Variants in MCC observed in about 807,000 individuals in gnomAD.
The protein encoded by MCC is MCC regulator of Wnt signaling pathway, also known as colorectal mutant cancer protein.
Under a neutral mutation model 116.2 loss-of-function variants are expected in MCC, and 90 were observed. That is an observed-to-expected ratio of 0.77 (90% CI 0.65 to 0.92). The LOEUF is 0.92. Ranked by LOEUF, MCC falls within the 40% of genes least tolerant of loss-of-function variation. MCC has a pLI of 0.00. For synonymous variants in MCC, 578 were observed against 510.5 expected, an observed-to-expected ratio of 1.13 and a Z score of -1.78; for missense variants, 1,516 against 1,312.2, an observed-to-expected ratio of 1.16 and a Z score of -2.40.
intron 13 of MCC, among the ~76,000 whole-genome samples, chr5:113,066,645 G>A (rs1258026124): frequency 1.3e-5 from 2 of 152,190 alleles, no homozygotes; most frequent in African/African-American, 2.4e-5. Flanking sequence ...GAAACTGAAG[G>A]AGGAAACACA....
At chr5:113,127,696 G>C (rs575848643) in intron 5 of MCC, among the ~76,000 whole-genome samples, 5 of 152,246 alleles carry the variant, frequency 3.3e-5, no homozygotes, top group East Asian at 1.9e-4. Flanking sequence ...TAATGGGGTT[G>C]TTTTTCTCTT....
rs904486522 is a variant in MCC, at chr5:113,334,094, CAG to C, written c.627+6423_627+6424del. 2.2e-4 allele frequency among the ~76,000 whole-genome samples: 32 copies of C among 147,256 alleles called. 1 individual carries two copies. The highest frequency in any genetic ancestry group is 8.1e-4 in the African/African-American group (32 of 39,414). On this transcript the variant is annotated intron_variant, in intron 3 of 18. Coordinates refer to ENST00000408903, the MANE Select transcript of MCC (RefSeq NM_001085377.2). ...TTTAAAAACCAAGTAGTATAGCTGACAGAATCTATCTAGACATTGCTATTTCA... is the reference window on the plus strand; with the variant it reads ...TTTAAAAACCAAGTAGTATAGCTGACAATCTATCTAGACATTGCTATTTCA...
At chr5:113,251,208 T>C (rs999279911) in intron 3 of MCC, among the ~76,000 whole-genome samples, 2 of 152,274 alleles carry the variant, frequency 1.3e-5, no homozygotes, top group Non-Finnish European at 2.9e-5. Flanking sequence ...ACTAACTGTA[T>C]TGTAAGAAAT....
At chr5:113,428,298 C>A (rs964180847) in intron 1 of MCC, among the ~76,000 whole-genome samples, 10 of 152,138 alleles carry the variant, frequency 6.6e-5, no homozygotes, top group Non-Finnish European at 1.5e-4. Flanking sequence ...CCCCTGCCCT[C>A]ACCCTTATTC....
At chr5:113,362,331 G>A (rs546843324) in intron 2 of MCC, among the ~76,000 whole-genome samples, 47 of 152,176 alleles carry the variant, frequency 3.1e-4, no homozygotes, top group African/African-American at 1.1e-3. Context: ...CTGGCTGTCT[G>A]TGTTACTTTA....
At chr5:113,332,315 AC>A (rs1407159279) in intron 3 of MCC, among the ~76,000 whole-genome samples, 6 of 151,568 alleles carry the variant, frequency 4.0e-5, no homozygotes, top group African/African-American at 7.3e-5. Flanking sequence ...AGCAGTTGGA[AC>A]TAGAGGTGTG....
At chr5:113,165,328 C>T (rs1389832609) in intron 3 of MCC, among the ~76,000 whole-genome samples, 1 of 152,238 alleles carries the variant, frequency 6.6e-6, no homozygotes, top group Non-Finnish European at 1.5e-5. Flanking sequence ...AACAGCTCAA[C>T]ATTATCTTAA....
chr5:113,286,138 A>T (rs1293775570), intron 3 of MCC, among the ~76,000 whole-genome samples: 1 of 152,224 alleles, frequency 6.6e-6, no homozygotes, highest in African/African-American at 2.4e-5. Context: ...GGTCTCCCCA[A>T]GGAGGCCAAC....
chr5:113,164,163 C>T (rs1238516684), intron 3 of MCC, among the ~76,000 whole-genome samples: 3 of 152,320 alleles, frequency 2.0e-5, no homozygotes, highest in South Asian at 2.1e-4. Context: ...GTCCTCTTAT[C>T]CAACAGTCCA....
chr5:113,082,617 A>C (rs1420505850), intron 11 of MCC, among the ~76,000 whole-genome samples: 1 of 152,236 alleles, frequency 6.6e-6, no homozygotes, highest in East Asian at 1.9e-4. Flanking sequence ...GCAGTGAAGC[A>C]AGTATGGCAC....
rs189242836 is a variant in MCC, at chr5:113,455,728, C to T, written c.170+32517G>A. On this transcript the variant is annotated intron_variant, in intron 1 of 18. Transcript: ENST00000408903. ...TGTATAATGAACCAAACATAATCAG[C>T]CCCAAATATGAGCAATCATACTAAA... 7.2e-5 allele frequency among the ~76,000 whole-genome samples: 11 copies of T among 152,222 alleles called. No individual in the cohort carries two copies. In the East Asian group the frequency reaches 2.1e-3, roughly 29 times the overall value.
In MCC at chr5:113,295,616, G is replaced by C. The variant is rs1766687607; in HGVS notation, c.627+44903C>G. Among the ~76,000 whole-genome samples, 8 of 152,132 alleles carry C rather than the reference G, an allele frequency of 5.3e-5. No homozygotes were observed. In the South Asian group the frequency reaches 1.7e-3, roughly 32 times the overall value. On this transcript the variant is annotated intron_variant, in intron 3 of 18. Transcript: ENST00000408903. ...TTTATGGAGTGTGGAGTATGATTCAGAAAAGATTCAAGGGGCTGTTATACC... is the reference window on the plus strand; with the variant it reads ...TTTATGGAGTGTGGAGTATGATTCACAAAAGATTCAAGGGGCTGTTATACC...
intron 6 of MCC, among the ~76,000 whole-genome samples, chr5:113,121,725 C>T (rs961745105): frequency 6.6e-6 from 1 of 152,140 alleles, no homozygotes; most frequent in African/African-American, 2.4e-5. Context: ...CCAAGAAAAA[C>T]TCATTATAAA....
Position 113,434,913 on chromosome 5 carries a change from T to C in MCC, c.171-49701A>G. ...GGCGCATGGGCCAGCAGTGTGCTCA[T>C]TTACATCCTGGATAGAGAGTCCTTT... On this transcript the variant is annotated intron_variant, in intron 1 of 18. Transcript: ENST00000408903. The surrounding 1 kb of genome is among the most constrained non-coding windows in gnomAD (Gnocchi z 4.2). 6.6e-7 allele frequency: 1 copy of C among 1,523,394 alleles called. No homozygotes were observed. Among genetic ancestry groups the C allele is most frequent in the Non-Finnish European group, 8.8e-7 (1 of 1,132,814 alleles). The allele number at this position is 1,523,394 out of a possible 1,614,324, so 94.4% of individuals were successfully genotyped here.
At chr5:113,464,604 T>C (rs1289642130) in intron 1 of MCC, among the ~76,000 whole-genome samples, 1 of 70,550 alleles carries the variant, frequency 1.4e-5, no homozygotes, top group Non-Finnish European at 2.7e-5. Flanking sequence ...TAACATATCA[T>C]GCTTTGTTTT....
At chr5:113,433,946 C>A (rs757905729) in intron 1 of MCC, 2 of 1,614,002 alleles carry the variant, frequency 1.2e-6, no homozygotes, top group South Asian at 1.1e-5. Flanking sequence ...GTTCGGGGGT[C>A]CACAAGGGTT....
At chr5:113,028,057 G>A (rs1312752063) in intron 18 of MCC, among the ~76,000 whole-genome samples, 2 of 152,146 alleles carry the variant, frequency 1.3e-5, no homozygotes, top group Non-Finnish European at 2.9e-5. Flanking sequence ...CTGGTGGTAG[G>A]GTATACAGTG....
rs201253024 is a variant in MCC, at chr5:113,294,304, G to A, written c.627+46215C>T. On this transcript the variant is annotated intron_variant, in intron 3 of 18. Coordinates refer to ENST00000408903, the MANE Select transcript of MCC (RefSeq NM_001085377.2). The stretch of plus-strand genomic sequence containing the variant: ...AAAAGCAAACGCCCGAGAAACCCTA[G>A]CTCCCGACCTCAGCTGTTTCTTACC... 382 of 1,613,444 alleles carry A rather than the reference G, an allele frequency of 2.4e-4. 2 individuals carry two copies. The South Asian group carries it at 4.0e-3, about 17-fold the overall frequency.
chr5:113,091,908 C>G (rs868717167), intron 8 of MCC, among the ~76,000 whole-genome samples: 2 of 141,890 alleles, frequency 1.4e-5, no homozygotes, highest in Non-Finnish European at 3.1e-5. Flanking sequence ...ACACACCACA[C>G]AAACACACAC....
Sources: gnomAD v4.1 joint callset for allele counts (sites outside exome capture counted in the v4.1 genomes callset) on GRCh38, gnomAD v4.1.1 for gene constraint, Gnocchi (gnomAD v3.1) non-coding constraint, MANE v1.5 for transcripts, NCBI Gene and HGNC (gene_info 2026-07-23, HGNC 2026-07-21) for gene names.